Variants in SGCD observed in about 807,000 individuals in gnomAD.
The protein encoded by SGCD is sarcoglycan delta.
A neutral mutation model predicts 36.6 loss-of-function variants in SGCD; 18 were observed. The ratio of observed to expected loss-of-function variants is 0.49; its 90% CI spans 0.34 to 0.73. SGCD has a LOEUF of 0.73. Ranked by LOEUF, SGCD falls within the 30% of genes least tolerant of loss-of-function variation. SGCD has a pLI of 0.01. For missense variants in SGCD, 387 were observed against 346.7 expected (o/e 1.12, Z -0.92); for synonymous variants, 133 against 130.6 (o/e 1.02, Z -0.12).
At chr5:156,085,479 G>A (rs940174676) in intron 1 of SGCD, among the ~76,000 whole-genome samples, 5 of 152,258 alleles carry the variant, frequency 3.3e-5, no homozygotes, top group Non-Finnish European at 7.4e-5. Context: ...TCTGCTGTGA[G>A]TAAAAGCTCC....
chr5:156,397,866 T>G (rs945709735), intron 3 of SGCD, among the ~76,000 whole-genome samples: 1 of 152,200 alleles, frequency 6.6e-6, no homozygotes, highest in Non-Finnish European at 1.5e-5. Flanking sequence ...GATGGGTTTC[T>G]GGGCAAAAGG....
chr5:156,672,744 A>G (rs1248645461), intron 7 of SGCD, among the ~76,000 whole-genome samples: 1 of 152,182 alleles, frequency 6.6e-6, no homozygotes, highest in African/African-American at 2.4e-5. Context: ...AGGAAAGAGC[A>G]GAGGTAGACA....
chr5:156,327,755 G>C (rs1204201568), intron 1 of SGCD, among the ~76,000 whole-genome samples: 2 of 152,182 alleles, frequency 1.3e-5, no homozygotes, highest in African/African-American at 4.8e-5. Flanking sequence ...ACAGATATGT[G>C]TGTATGGGTT....
chr5:156,702,113 G>T (rs1479524524), intron 7 of SGCD, among the ~76,000 whole-genome samples: 2 of 152,174 alleles, frequency 1.3e-5, no homozygotes, highest in Non-Finnish European at 2.9e-5. Flanking sequence ...TTATCAATCA[G>T]TTGAAATTGC....
At chr5:156,008,089 G>A (rs1419493680) in intron 1 of SGCD, among the ~76,000 whole-genome samples, 2 of 152,086 alleles carry the variant, frequency 1.3e-5, no homozygotes, top group Admixed American at 1.3e-4. Context: ...TACCCGTTGT[G>A]CTAGTGTCCT....
intron 2 of SGCD, among the ~76,000 whole-genome samples, chr5:156,341,155 G>C (rs888351690): frequency 6.6e-6 from 1 of 152,056 alleles, no homozygotes; most frequent in Admixed American, 6.6e-5. Context: ...CTTCTAATTT[G>C]CTGTGTGACT....
At chr5:155,756,599 C>G in the SGCD span, among the ~76,000 whole-genome samples, 2 of 152,104 alleles carry the variant, frequency 1.3e-5, no homozygotes, top group African/African-American at 4.8e-5. Flanking sequence ...CAGTACAGTC[C>G]CTAGCACATA....
chr5:156,183,338 A>T (rs1763653651), intron 3 of SGCD, among the ~76,000 whole-genome samples: 1 of 152,234 alleles, frequency 6.6e-6, no homozygotes, highest in Non-Finnish European at 1.5e-5. Flanking sequence ...GATTGAAATC[A>T]CAGTACCCCA....
At position 156,009,075 on chromosome 5, in the gene SGCD, G is replaced by A. The variant is rs891090657; in HGVS notation, c.-281-108803G>A. On this transcript the variant is annotated intron_variant, in intron 1 of 9. Coordinates refer to the SGCD transcript ENST00000517913. ...GATCTTTGGCCAGAGTGACTGGAGC[G>A]AAGGAGGGGGTGTCTCCAGTCCCAC... is the stretch of plus-strand genomic sequence containing the variant. Among the ~76,000 whole-genome samples, 13 of 152,260 alleles carry A rather than the reference G, an allele frequency of 8.5e-5. No individual in the cohort carries two copies. The East Asian group carries it at 1.6e-3, about 18-fold the overall frequency.
At chr5:156,057,693 G>C (rs898038357) in intron 1 of SGCD, among the ~76,000 whole-genome samples, 1 of 146,188 alleles carries the variant, frequency 6.8e-6, no homozygotes, top group African/African-American at 2.5e-5. Context: ...AGGCTATTGA[G>C]AATATGTCAA....
At chr5:156,562,560 G>A (rs1359831139) in intron 4 of SGCD, among the ~76,000 whole-genome samples, 2 of 152,114 alleles carry the variant, frequency 1.3e-5, no homozygotes, top group African/African-American at 2.4e-5. Context: ...GAAGGTGTTA[G>A]TTTTCACTCT....
intron 3 of SGCD, among the ~76,000 whole-genome samples, chr5:156,474,294 A>T (rs1049153002): frequency 1.3e-5 from 2 of 152,190 alleles, no homozygotes; most frequent in Non-Finnish European, 2.9e-5. Context: ...ATGAACCCAG[A>T]TACTCCTCAG....
chr5:156,290,367 T>G (rs556932853), intron 3 of SGCD, among the ~76,000 whole-genome samples: 1 of 152,272 alleles, frequency 6.6e-6, no homozygotes, highest in East Asian at 1.9e-4. Context: ...ACTGCATCTG[T>G]GATCATTGCC....
the SGCD span, among the ~76,000 whole-genome samples, chr5:155,841,525 A>T: frequency 6.6e-6 from 1 of 152,050 alleles, no homozygotes; most frequent in African/African-American, 2.4e-5. Context: ...TTTGCATTTT[A>T]TTTTTTGTGA....
chr5:155,859,713 T>TAG, the SGCD span, among the ~76,000 whole-genome samples: 1 of 152,230 alleles, frequency 6.6e-6, no homozygotes, highest in Non-Finnish European at 1.5e-5. Context: ...TTCCATTGTA[T>TAG]AGATGTACCT....
chr5:156,480,439 C>A (rs1755373302), intron 3 of SGCD, among the ~76,000 whole-genome samples: 2 of 152,168 alleles, frequency 1.3e-5, no homozygotes, highest in African/African-American at 4.8e-5. Context: ...TTTCCCCAGT[C>A]TCTTCTTGAA....
chr5:156,632,653 A>G (rs753476279), intron 6 of SGCD, among the ~76,000 whole-genome samples: 1 of 152,182 alleles, frequency 6.6e-6, no homozygotes, highest in East Asian at 1.9e-4. Context: ...CAAGACTTAC[A>G]CTTGCCATGG....
chr5:156,161,323 T>G (rs879548202), intron 3 of SGCD, among the ~76,000 whole-genome samples: 3 of 151,804 alleles, frequency 2.0e-5, no homozygotes, highest in Non-Finnish European at 4.4e-5. Flanking sequence ...AAACATTCAC[T>G]TTTATATCAC....
chr5:156,376,391 C>A (rs1770670999), intron 3 of SGCD, among the ~76,000 whole-genome samples: 2 of 152,176 alleles, frequency 1.3e-5, no homozygotes, highest in Non-Finnish European at 1.5e-5. Flanking sequence ...GAAGTGCTAA[C>A]CCTGGTTGGG....
Sources: allele counts gnomAD v4.1 joint callset (sites outside exome capture counted in the v4.1 genomes callset), GRCh38; gene constraint gnomAD v4.1.1; transcripts MANE v1.5; gene names NCBI Gene and HGNC (gene_info 2026-07-23, HGNC 2026-07-21).